PARN: variants seen among roughly 807,000 people sequenced by gnomAD.
PARN encodes poly(A)-specific ribonuclease, also known as poly(A)-specific ribonuclease PARN.
In PARN, 71 loss-of-function variants were observed where a neutral mutation model predicts 102.8. The observed-to-expected ratio is 0.69, with a 90% CI of 0.57 to 0.84. The LOEUF (loss-of-function observed/expected upper bound fraction) is 0.84, where lower values mean the gene tolerates loss of function less well. Among genes scored for constraint, PARN ranks in the 40% least tolerant of loss-of-function variants. The pLI is 0.00. For missense variants in PARN, 782 were observed against 760.9 expected (o/e 1.03, Z -0.33); for synonymous variants, 261 against 252.9 (o/e 1.03, Z -0.30).
chr16:14,573,034 A>G (rs1414341796), intron 18 of PARN, among the ~76,000 whole-genome samples: 1 of 151,820 alleles, frequency 6.6e-6, no homozygotes, highest in East Asian at 1.9e-4. Flanking sequence ...GACTACAGGC[A>G]TGTGCCACCA....
At position 14,554,080 on chromosome 16, in the gene PARN, G is replaced by A. The variant is rs1451889903; in HGVS notation, c.1390C>T (p.Leu464Phe). 2 of 1,611,556 alleles carry A rather than the reference G, an allele frequency of 1.2e-6. No individual in the cohort carries two copies. The highest frequency in any genetic ancestry group is 1.3e-5 in the African/African-American group (1 of 75,024). The change falls in exon 20 of 24, where the codon CTT becomes TTT. Residue 464 changes from leucine to phenylalanine, a missense_variant. Leu to Phe is a conservative substitution (Grantham distance 22, BLOSUM62 0). Transcript: ENST00000437198. The stretch of plus-strand genomic sequence containing the variant: ...TGCGACTTACCAAAGGCACTGAAAA[G>A]CTGGTAAAGGTCGCTGGTTTTCCAT... ...KEWKTSDLYQ[L>F]FSAFGNIQIS... is the part of the protein sequence containing the mutation.
At chr16:14,592,233 A>G (rs1006454382) in intron 13 of PARN, among the ~76,000 whole-genome samples, 4 of 152,154 alleles carry the variant, frequency 2.6e-5, no homozygotes, top group African/African-American at 9.7e-5. Context: ...AAGAAGTACA[A>G]GTTAAATATC....
chr16:14,598,864 C>A (rs1412043347), intron 12 of PARN, among the ~76,000 whole-genome samples: 2 of 152,022 alleles, frequency 1.3e-5, no homozygotes, highest in Non-Finnish European at 2.9e-5. Flanking sequence ...TTCCCTGATG[C>A]AAAGTTCAGC....
At chr16:14,620,746 A>G (rs890152157) in intron 5 of PARN, among the ~76,000 whole-genome samples, 1 of 152,196 alleles carries the variant, frequency 6.6e-6, no homozygotes, top group African/African-American at 2.4e-5. Flanking sequence ...TTCTGGGGAA[A>G]GCTATACTAA....
At chr16:14,553,977 C>T (rs763303136) in intron 20 of PARN, 88 bp downstream of exon 20, 13 of 777,878 alleles carry the variant, frequency 1.7e-5, no homozygotes, top group South Asian at 1.0e-4. Context: ...TTCTTTTATA[C>T]GCAGGCCAAA....
intron 21 of PARN, among the ~76,000 whole-genome samples, chr16:14,531,731 C>T (rs1022674235): frequency 3.9e-5 from 6 of 151,942 alleles, no homozygotes; most frequent in Non-Finnish European, 7.4e-5. Context: ...CCCCCCCAGA[C>T]AACAACCATG....
chr16:14,559,783 T>C (rs1449767532), intron 18 of PARN, among the ~76,000 whole-genome samples: 1 of 152,176 alleles, frequency 6.6e-6, no homozygotes, highest in African/African-American at 2.4e-5. Context: ...TCTTTCCCTA[T>C]ACCTTCACCT....
intron 18 of PARN, among the ~76,000 whole-genome samples, chr16:14,573,243 G>A (rs1968916187): frequency 6.6e-6 from 1 of 152,012 alleles, no homozygotes; most frequent in South Asian, 2.1e-4. Context: ...AACATGTTTT[G>A]AAATATGTAT....
At chr16:14,607,294 G>C (rs934592449) in intron 9 of PARN, among the ~76,000 whole-genome samples, 1 of 152,028 alleles carries the variant, frequency 6.6e-6, no homozygotes, top group Non-Finnish European at 1.5e-5. Context: ...CTGCACCTCT[G>C]CCTCCAGGGT....
At chr16:14,484,463 T>C (rs539564578) in intron 21 of PARN, among the ~76,000 whole-genome samples, 4 of 152,332 alleles carry the variant, frequency 2.6e-5, no homozygotes, top group South Asian at 4.1e-4. Flanking sequence ...TCTTTGTACC[T>C]GGTAGCTGCA....
rs184213279 is a variant in PARN at position 14,536,367 on chromosome 16, C to T, written c.1480+15654G>A. ...TCATTATATCTACTGACAAAAACAACGACAAAACATTAAAAGCCTCAGAAA... is the reference window on the plus strand; with the variant it reads ...TCATTATATCTACTGACAAAAACAATGACAAAACATTAAAAGCCTCAGAAA... On this transcript the variant is annotated intron_variant, in intron 21 of 23. Transcript: ENST00000437198. 8.5e-5 allele frequency among the ~76,000 whole-genome samples: 13 copies of T among 152,144 alleles called. No individual in the cohort carries two copies. In the East Asian group the frequency reaches 1.7e-3, roughly 20 times the overall value.
chr16:14,501,326 A>G (rs1403837133), intron 21 of PARN, among the ~76,000 whole-genome samples: 1 of 145,192 alleles, frequency 6.9e-6, no homozygotes, highest in African/African-American at 2.5e-5. Flanking sequence ...AATAATAATT[A>G]GTCTGGAGTG....
intron 22 of PARN, among the ~76,000 whole-genome samples, chr16:14,480,615 T>C (rs190223756): frequency 6.6e-6 from 1 of 152,298 alleles, no homozygotes. Flanking sequence ...CACAATGCAA[T>C]ACTGTCTCAT....
At chr16:14,628,661 G>C (rs1439502599) in intron 2 of PARN, among the ~76,000 whole-genome samples, 1 of 152,148 alleles carries the variant, frequency 6.6e-6, no homozygotes, top group Non-Finnish European at 1.5e-5. Flanking sequence ...TGCAAAGAAT[G>C]TATCTTCAAG....
At chr16:14,567,077 T>C (rs1056281551) in intron 18 of PARN, among the ~76,000 whole-genome samples, 2 of 152,224 alleles carry the variant, frequency 1.3e-5, no homozygotes, top group African/African-American at 2.4e-5. Context: ...GCATTAAACT[T>C]TGAGGGTAAT....
chr16:14,611,955 AT>A (rs1167164448), intron 6 of PARN, among the ~76,000 whole-genome samples: 7 of 152,142 alleles, frequency 4.6e-5, no homozygotes, highest in African/African-American at 1.7e-4. Context: ...CATACACAAA[AT>A]GTACATGTAC....
chr16:14,576,308 G>A (rs983154382), intron 18 of PARN: 2 of 152,176 alleles, frequency 1.3e-5, no homozygotes, highest in African/African-American at 2.4e-5. Context: ...AAGCAGTCCT[G>A]TAGAGTAAAC....
intron 22 of PARN, among the ~76,000 whole-genome samples, chr16:14,472,478 T>G (rs1195738835): frequency 6.6e-6 from 1 of 152,154 alleles, no homozygotes; most frequent in Non-Finnish European, 1.5e-5. Context: ...GTGTTAAAGG[T>G]CTCTACCACT....
At chr16:14,511,472 T>A (rs547841680) in intron 21 of PARN, among the ~76,000 whole-genome samples, 13 of 150,622 alleles carry the variant, frequency 8.6e-5, no homozygotes, top group Non-Finnish European at 1.6e-4. Flanking sequence ...ACTTGGGAAG[T>A]GTTCAGGCAG....
Sources: allele counts gnomAD v4.1 joint callset (sites outside exome capture counted in the v4.1 genomes callset), GRCh38; gene constraint gnomAD v4.1.1; transcripts MANE v1.5; gene names NCBI Gene and HGNC (gene_info 2026-07-23, HGNC 2026-07-21).